MYO3A: variants seen among roughly 807,000 people sequenced by gnomAD.
The protein encoded by MYO3A is myosin IIIA, also known as myosin-IIIa.
In MYO3A, 180 loss-of-function variants were observed where a neutral mutation model predicts 192.7. The ratio of observed to expected loss-of-function variants is 0.93; its 90% CI spans 0.83 to 1.06. The LOEUF (loss-of-function observed/expected upper bound fraction) is 1.06, where lower values mean the gene tolerates loss of function less well. MYO3A is among the 50% of genes least tolerant of loss of function. MYO3A has a pLI of 0.00. For synonymous variants in MYO3A, 628 were observed against 645.3 expected (o/e 0.97, Z 0.41); for missense variants, 1,896 against 1,905.0 (o/e 1.00, Z 0.09).
At chr10:26,205,826 A>G (rs901751007) in intron 34 of MYO3A, among the ~76,000 whole-genome samples, 4 of 151,746 alleles carry the variant, frequency 2.6e-5, no homozygotes, top group Non-Finnish European at 4.4e-5. Flanking sequence ...TCACTGTGTT[A>G]GCCAGGATGG....
intron 12 of MYO3A, among the ~76,000 whole-genome samples, chr10:26,069,512 G>C (rs1835062572): frequency 1.3e-5 from 2 of 151,962 alleles, no homozygotes; most frequent in African/African-American, 4.8e-5. Flanking sequence ...ATTTAATACT[G>C]TTCCTAATAG....
chr10:26,012,821 T>A (rs1044516391), intron 6 of MYO3A, among the ~76,000 whole-genome samples: 5 of 150,830 alleles, frequency 3.3e-5, no homozygotes, highest in Admixed American at 2.0e-4. Flanking sequence ...ACAAAAAAAC[T>A]GAACAAAAAC....
At position 26,070,386 on chromosome 10, in the gene MYO3A, G is replaced by A; in HGVS notation, c.1344G>A (p.Leu448=). 3.7e-6 allele frequency: 6 copies of A among 1,612,852 alleles called. No homozygotes were observed. The highest frequency in any genetic ancestry group is 4.2e-6 in the Non-Finnish European group (5 of 1,179,244). Residue 448 remains leucine, a synonymous_variant, in exon 14 of 35, where the codon CTG becomes CTA. Transcript: ENST00000642920. ...TENAHLLVQQ[L]TVLGKANNRT... ...ATGCTCATCTTTTAGTTCAGCAGCT[G>A]ACAGTGCTTGGAAAGGTATAATTTA...
At chr10:26,037,856 G>C (rs1843123226) in intron 10 of MYO3A, among the ~76,000 whole-genome samples, 1 of 152,086 alleles carries the variant, frequency 6.6e-6, no homozygotes, top group Non-Finnish European at 1.5e-5. Flanking sequence ...CAAACAACCA[G>C]ATCTCATGAC....
intron 31 of MYO3A, among the ~76,000 whole-genome samples, 154 bp downstream of exon 31, chr10:26,176,999 T>A (rs1252167406): frequency 6.6e-6 from 1 of 150,422 alleles, no homozygotes; most frequent in East Asian, 1.9e-4. Context: ...AGATACAGTT[T>A]TTTTAGGATG....
chr10:26,023,831 A>G (rs1261646102), intron 8 of MYO3A, among the ~76,000 whole-genome samples, 191 bp from the exon 9 acceptor site: 1 of 152,268 alleles, frequency 6.6e-6, no homozygotes, highest in East Asian at 1.9e-4. Context: ...GTGCTTACAG[A>G]GAAACAAAGA....
chr10:25,983,071 C>A lies in MYO3A; in HGVS notation c.304-13419C>A, dbSNP rs1235802932. Among the ~76,000 whole-genome samples, 3 of 151,766 alleles carry A rather than the reference C, an allele frequency of 2.0e-5. 1 individual carries two copies. The highest frequency in any genetic ancestry group is 4.4e-5 in the Non-Finnish European group (3 of 67,950). The stretch of plus-strand genomic sequence containing the variant: ...TGATACAGGATATGAAAGGAAAATT[C>A]TTCAGTGAAATATTAAATAGATAGC... On this transcript the variant is annotated intron_variant, in intron 4 of 34. Coordinates refer to ENST00000642920, the MANE Select transcript of MYO3A (RefSeq NM_017433.5).
chr10:26,120,667 G>A lies in MYO3A; in HGVS notation c.1777-9G>A, dbSNP rs1838806485. On this transcript the variant is annotated splice_polypyrimidine_tract_variant and intron_variant, in intron 17 of 34. Coordinates refer to ENST00000642920, the MANE Select transcript of MYO3A (RefSeq NM_017433.5). Reference sequence around the variant, plus strand: ...AGAATGATGCCAATGTTTCTGTGGTGTGTTTCAGCAACTTGGTAGTATATA... The same window carrying A: ...AGAATGATGCCAATGTTTCTGTGGTATGTTTCAGCAACTTGGTAGTATATA... The A allele has an allele frequency of 6.2e-7, 1 of 1,613,826 alleles. No homozygotes were observed. The highest frequency in any genetic ancestry group is 8.5e-7 in the Non-Finnish European group (1 of 1,179,934).
At position 26,046,836 on chromosome 10, in the gene MYO3A, A is replaced by G. The variant is rs376723531; in HGVS notation, c.954-20139A>G. On this transcript the variant is annotated intron_variant, in intron 10 of 34. Coordinates refer to ENST00000642920, the MANE Select transcript of MYO3A (RefSeq NM_017433.5). ...TGAAGTTCACGTGGAATCATTTATTAGTTGTTTCTTTGGTACCTTTAGCAT... is the reference window on the plus strand; with the variant it reads ...TGAAGTTCACGTGGAATCATTTATTGGTTGTTTCTTTGGTACCTTTAGCAT... 2.9e-4 allele frequency among the ~76,000 whole-genome samples: 44 copies of G among 152,346 alleles called. No homozygotes were observed. In the East Asian group the frequency reaches 2.9e-3, roughly 10 times the overall value.
At chr10:25,948,985 T>C (rs1023649265) in intron 2 of MYO3A, among the ~76,000 whole-genome samples, 8 of 152,146 alleles carry the variant, frequency 5.3e-5, no homozygotes, top group African/African-American at 1.9e-4. Flanking sequence ...AAAATTGCAT[T>C]TTAAACAAAT....
At chr10:26,125,322 A>T in intron 18 of MYO3A, 76 bp from the exon 19 acceptor site, 1 of 1,321,510 alleles carries the variant, frequency 7.6e-7, no homozygotes, top group Non-Finnish European at 1.1e-6. Flanking sequence ...AAGAAGGCAG[A>T]TTAAGACATT....
At chr10:26,071,653 AAAACTC>A (rs1396640102) in intron 14 of MYO3A, among the ~76,000 whole-genome samples, 1 of 152,200 alleles carries the variant, frequency 6.6e-6, no homozygotes, top group East Asian at 1.9e-4. Flanking sequence ...GTATATGAAA[AAAACTC>A]ATACAAATCA....
chr10:26,032,122 T>C (rs1842826795), intron 10 of MYO3A, among the ~76,000 whole-genome samples: 1 of 152,194 alleles, frequency 6.6e-6, no homozygotes, highest in Non-Finnish European at 1.5e-5. Flanking sequence ...TTCATAGAAA[T>C]AAAAAGGATT....
intron 31 of MYO3A, among the ~76,000 whole-genome samples, chr10:26,179,890 G>A (rs1842538479): frequency 6.6e-6 from 1 of 152,180 alleles, no homozygotes; most frequent in South Asian, 2.1e-4. Context: ...CTGGAGTGCA[G>A]TGGCACGACC....
At chr10:25,955,762 G>C (rs1030580799) in intron 4 of MYO3A, among the ~76,000 whole-genome samples, 4 of 152,254 alleles carry the variant, frequency 2.6e-5, no homozygotes, top group Admixed American at 2.6e-4. Context: ...AGAGACAGTA[G>C]ATACCTTTAT....
intron 4 of MYO3A, among the ~76,000 whole-genome samples, chr10:25,960,471 A>C (rs902185940): frequency 1.3e-5 from 2 of 152,140 alleles, no homozygotes; most frequent in Non-Finnish European, 2.9e-5. Context: ...CTAAAACTTA[A>C]CTACTAATAG....
chr10:25,948,213 G>C (rs1836983761), intron 2 of MYO3A, among the ~76,000 whole-genome samples: 1 of 152,174 alleles, frequency 6.6e-6, no homozygotes, highest in African/African-American at 2.4e-5. Context: ...GAATGAGCAT[G>C]AAGCCAGTTT....
At chr10:26,129,365 T>G (rs1354246865) in intron 20 of MYO3A, among the ~76,000 whole-genome samples, 1 of 152,194 alleles carries the variant, frequency 6.6e-6, no homozygotes, top group Non-Finnish European at 1.5e-5. Context: ...GTTCAGCTCT[T>G]TTTCATCTAT....
chr10:26,102,530 G>GT (rs544180391), intron 17 of MYO3A, among the ~76,000 whole-genome samples: 311 of 152,282 alleles, frequency 2.0e-3, no homozygotes, highest in Non-Finnish European at 3.1e-3. Context: ...CATCTTTGTG[G>GT]TTTTATCTAC....
Sources: allele counts gnomAD v4.1 joint callset (sites outside exome capture counted in the v4.1 genomes callset), GRCh38; gene constraint gnomAD v4.1.1; transcripts MANE v1.5; gene names NCBI Gene and HGNC (gene_info 2026-07-23, HGNC 2026-07-21).